The following ASMTL variants were observed in gnomAD, a reference collection of about 807,000 sequenced individuals.
The protein encoded by ASMTL is probable bifunctional dTTP/UTP pyrophosphatase/methyltransferase protein.
Under a neutral mutation model 60.3 loss-of-function variants are expected in ASMTL, and 57 were observed. The ratio of observed to expected loss-of-function variants is 0.95; its 90% CI spans 0.76 to 1.18. ASMTL has a LOEUF of 1.18. ASMTL is among the 50% of genes most tolerant of loss of function. ASMTL has a pLI of 0.00. For synonymous variants in ASMTL, 419 were observed against 373.0 expected (o/e 1.12, Z -1.42); for missense variants, 981 against 852.6 (o/e 1.15, Z -1.88).
chrX:1,421,223 C>T (rs1284306318), intron 9 of ASMTL, among the ~76,000 whole-genome samples: 2 of 152,064 alleles, frequency 1.3e-5, no homozygotes, highest in African/African-American at 4.8e-5. Context: ...CCTTGGCCTC[C>T]CAAACTAGCT....
In ASMTL at chrX:1,451,068, C is replaced by T. The variant is rs773160084; in HGVS notation, c.93+1680G>A. On this transcript the variant is annotated intron_variant, in intron 1 of 12. Transcript: ENST00000381317. ...CTGGGTCACTCTCCCCTCCCCCATA[C>T]CTAGGGATTCCGGATCACTCTCCCC... Among the ~76,000 whole-genome samples, 3 of 148,790 alleles carry T rather than the reference C, an allele frequency of 2.0e-5. No homozygotes were observed. The South Asian group carries it at 6.4e-4, about 32-fold the overall frequency.
chrX:1,445,105 C>A (rs1180567234), intron 1 of ASMTL, among the ~76,000 whole-genome samples: 4 of 152,166 alleles, frequency 2.6e-5, no homozygotes, highest in Non-Finnish European at 4.4e-5. Flanking sequence ...CTGGTAAGAT[C>A]TGCCCTCCTC....
intron 4 of ASMTL, 85 bp from the exon 5 acceptor site, chrX:1,435,168 G>A: frequency 2.1e-6 from 3 of 1,402,534 alleles, no homozygotes; most frequent in East Asian, 4.6e-5. Context: ...AGGGGAGGCA[G>A]CGAGGCGTCC....
chrX:1,435,114 C>T, intron 4 of ASMTL, 31 bp from the exon 5 acceptor site: 1 of 1,611,906 alleles, frequency 6.2e-7, no homozygotes. Context: ...ACCACGTGAC[C>T]ATGCTGTGAC....
Position 1,411,169 on chromosome X carries a change from G to A in ASMTL, c.1645+1563C>T, listed in dbSNP as rs751022831. ...ACTGCACTCCAGCCTGGGCGACAGA[G>A]CGAGACTCCGTCTCAAAAAAAAAAA... On this transcript the variant is annotated intron_variant, in intron 12 of 12. Transcript: ENST00000381317. 9.7e-3 allele frequency among the ~76,000 whole-genome samples: 1,466 copies of A among 151,916 alleles called. 18 individuals carry two copies. The highest frequency in any genetic ancestry group is 0.014 in the Non-Finnish European group (925 of 67,944).
At chrX:1,418,206 C>A (rs112769136) in intron 10 of ASMTL, 90 bp from the exon 11 acceptor site, 22 of 1,414,760 alleles carry the variant, frequency 1.6e-5, no homozygotes, top group South Asian at 4.1e-5. Flanking sequence ...AAGTAATGTT[C>A]AAGGGCATGG....
At chrX:1,414,119 G>C (rs1411400740) in intron 11 of ASMTL, 1 of 150,914 alleles carries the variant, frequency 6.6e-6, no homozygotes, top group Non-Finnish European at 1.5e-5. Flanking sequence ...GACACACAGA[G>C]GAGAAGGCCA....
intron 9 of ASMTL, among the ~76,000 whole-genome samples, chrX:1,420,813 A>G (rs1331696452): frequency 2.0e-5 from 3 of 152,182 alleles, no homozygotes; most frequent in Non-Finnish European, 4.4e-5. Flanking sequence ...TCTATTTTTC[A>G]GACAGAGTCT....
intron 1 of ASMTL, among the ~76,000 whole-genome samples, chrX:1,443,180 C>A (rs2091148482): frequency 6.6e-6 from 1 of 151,872 alleles, no homozygotes; most frequent in African/African-American, 2.4e-5. Context: ...TGGACACACA[C>A]CGCCATCGTG....
chrX:1,443,842 C>T (rs1457665895), intron 1 of ASMTL, among the ~76,000 whole-genome samples: 21 of 151,672 alleles, frequency 1.4e-4, no homozygotes, highest in African/African-American at 2.4e-4. Context: ...TTTTGGCCAT[C>T]GAGGACACAC....
chrX:1,417,047 C>T (rs1263928460), intron 11 of ASMTL, among the ~76,000 whole-genome samples: 3 of 149,908 alleles, frequency 2.0e-5, no homozygotes, highest in African/African-American at 7.4e-5. Context: ...ACAAGCACAG[C>T]AGATGCTCAC....
intron 11 of ASMTL, 55 bp from the exon 12 acceptor site, chrX:1,412,909 C>T (rs1188889666): frequency 1.9e-6 from 3 of 1,603,558 alleles, no homozygotes; most frequent in Non-Finnish European, 2.6e-6. Context: ...AGCAGTCCTC[C>T]CCGGACAGAT....
intron 1 of ASMTL, among the ~76,000 whole-genome samples, chrX:1,450,546 GCA>G (rs2091337308): frequency 7.1e-6 from 1 of 140,848 alleles, no homozygotes; most frequent in Admixed American, 7.0e-5. Flanking sequence ...CATCACTAGG[GCA>G]TCCTGGGTCA....
chrX:1,441,571 C>A (rs1354505237), intron 2 of ASMTL: 1 of 152,162 alleles, frequency 6.6e-6, no homozygotes, highest in African/African-American at 2.4e-5. Flanking sequence ...GCCACCGCGA[C>A]CGGCCACAAG....
chrX:1,435,222 G>A (rs1294101013), intron 4 of ASMTL, 139 bp from the exon 5 acceptor site: 13 of 897,440 alleles, frequency 1.4e-5, no homozygotes, highest in Middle Eastern at 2.8e-4. Flanking sequence ...CGATCGTCCC[G>A]CTGTGGGGTC....
Position 1,427,903 on chromosome X carries a change from C to T in ASMTL, c.728G>A (p.Gly243Glu). Residue 243 changes from glycine to glutamate, a missense_variant, in exon 7 of 13, where the codon GGG (glycine) becomes GAG (glutamate). Physicochemically the swap from Gly to Glu is moderately conservative, Grantham distance 98. Coordinates refer to ENST00000381317, the MANE Select transcript of ASMTL (RefSeq NM_004192.4). Reference protein sequence around the residue: ...DTFEDLSDVEGGGSEPTQRDA... With the variant: ...DTFEDLSDVEEGGSEPTQRDA... ...CCTCTGAGTGGGCTCCGAGCCGCCC[C>T]CCTCCACGTCACTGAGGTCTTCGAA... is the stretch of plus-strand genomic sequence containing the variant. 1 of 1,613,318 alleles carries T rather than the reference C, an allele frequency of 6.2e-7. No homozygotes were observed. The highest frequency in any genetic ancestry group is 1.3e-5 in the African/African-American group (1 of 75,060).
In ASMTL at chrX:1,447,999, CCACCATCTTGGACACA is replaced by C. The variant is rs1195022042; in HGVS notation, c.93+4733_93+4748del. Among the ~76,000 whole-genome samples the C allele has an allele frequency of 3.5e-3, 526 of 149,602 alleles. 3 individuals are homozygous for C. Among genetic ancestry groups the C allele is most frequent in the African/African-American group, 0.013 (504 of 39,626 alleles). On this transcript the variant is annotated intron_variant, in intron 1 of 12. Transcript: ENST00000381317. ...CACACACCGCCATCTTGGATAAGAA[CCACCATCTTGGACACA>C]CACCATCTTGGACACACACCGCCAT...
At chrX:1,416,878 C>T (rs1298318690) in intron 11 of ASMTL, among the ~76,000 whole-genome samples, 4 of 151,160 alleles carry the variant, frequency 2.6e-5, no homozygotes, top group African/African-American at 9.7e-5. Flanking sequence ...TATCCACAGA[C>T]ACGCAGACAC....
intron 12 of ASMTL, among the ~76,000 whole-genome samples, chrX:1,410,969 C>T (rs28433576): frequency 0.86 from 130,013 of 151,768 alleles, 55,957 homozygotes; most frequent in Middle Eastern, 0.97. Flanking sequence ...GTGGATCACC[C>T]GAGGTTGGGA....
Sources: allele counts gnomAD v4.1 joint callset (sites outside exome capture counted in the v4.1 genomes callset), GRCh38; gene constraint gnomAD v4.1.1; transcripts MANE v1.5; gene names NCBI Gene and HGNC (gene_info 2026-07-23, HGNC 2026-07-21).